The following SNTG1 variants were observed in gnomAD, a reference collection of about 807,000 sequenced individuals.
SNTG1 encodes the protein gamma-1-syntrophin.
In SNTG1, 39 loss-of-function variants were observed where a neutral mutation model predicts 74.7. The ratio of observed to expected loss-of-function variants is 0.52; its 90% CI spans 0.40 to 0.68. The LOEUF (loss-of-function observed/expected upper bound fraction) is 0.68. Ranked by LOEUF, SNTG1 falls within the 30% of genes least tolerant of loss-of-function variation. SNTG1 has a pLI of 0.00. For missense variants in SNTG1, 685 were observed against 609.5 expected, an observed-to-expected ratio of 1.12 and a Z score of -1.30; for synonymous variants, 254 against 217.1, an observed-to-expected ratio of 1.17 and a Z score of -1.49.
intron 11 of SNTG1, among the ~76,000 whole-genome samples, chr8:50,547,499 C>A (rs1166588813): frequency 1.3e-5 from 2 of 152,082 alleles, no homozygotes; most frequent in African/African-American, 2.4e-5. Flanking sequence ...TTGTATAGTT[C>A]TTTCAATCTA....
At chr8:50,386,438 G>T (rs1331544956) in intron 2 of SNTG1, among the ~76,000 whole-genome samples, 2 of 98,384 alleles carry the variant, frequency 2.0e-5, no homozygotes, top group African/African-American at 3.7e-5. Context: ...TTTGGGGGAG[G>T]CTGGGAGCAA....
chr8:50,272,041 G>T (rs142841425), intron 2 of SNTG1, among the ~76,000 whole-genome samples: 145 of 152,208 alleles, frequency 9.5e-4, no homozygotes, highest in African/African-American at 3.4e-3. Context: ...ACCAGATATC[G>T]AATCTGCCTG....
At chr8:50,721,117 A>AT (rs1338409542) in intron 17 of SNTG1, among the ~76,000 whole-genome samples, 1 of 152,128 alleles carries the variant, frequency 6.6e-6, no homozygotes, top group East Asian at 1.9e-4. Context: ...TTCACCTTCC[A>AT]TTTGTACATT....
intron 2 of SNTG1, among the ~76,000 whole-genome samples, chr8:50,252,348 A>G (rs913523841): frequency 6.6e-6 from 1 of 152,156 alleles, no homozygotes; most frequent in Non-Finnish European, 1.5e-5. Context: ...GTGGAAGGGA[A>G]CTAATAAAGC....
At chr8:50,161,336 G>A (rs938921791) in intron 1 of SNTG1, among the ~76,000 whole-genome samples, 1 of 152,208 alleles carries the variant, frequency 6.6e-6, no homozygotes, top group African/African-American at 2.4e-5. Flanking sequence ...CTTAAGGAAA[G>A]TACACAGTTG....
At chr8:50,438,453 A>G in intron 4 of SNTG1, 90 bp from the exon 5 acceptor site, 1 of 1,062,444 alleles carries the variant, frequency 9.4e-7, no homozygotes, top group South Asian at 1.4e-5. Context: ...CAAAAGCAAA[A>G]CCCAGAAGAA....
intron 2 of SNTG1, among the ~76,000 whole-genome samples, chr8:50,184,494 CT>C (rs1260374197): frequency 6.6e-6 from 1 of 152,248 alleles, no homozygotes; most frequent in African/African-American, 2.4e-5. Flanking sequence ...AAAATTCCTC[CT>C]TTAACTCCAC....
At chr8:49,987,134 A>T (rs1396198508) in intron 1 of SNTG1, among the ~76,000 whole-genome samples, 3 of 152,326 alleles carry the variant, frequency 2.0e-5, no homozygotes, top group Non-Finnish European at 4.4e-5. Flanking sequence ...CTTCCAATTA[A>T]GTTGAAGTGT....
intron 2 of SNTG1, among the ~76,000 whole-genome samples, chr8:50,296,493 C>T (rs568132740): frequency 5.0e-4 from 76 of 152,254 alleles, no homozygotes; most frequent in African/African-American, 1.7e-3. Flanking sequence ...GACCATCATT[C>T]TCAGCAAGCT....
At chr8:50,735,378 C>T (rs924739927) in intron 17 of SNTG1, among the ~76,000 whole-genome samples, 3 of 151,598 alleles carry the variant, frequency 2.0e-5, no homozygotes, top group Middle Eastern at 3.2e-3. Flanking sequence ...AACTTGAAAA[C>T]AGGTTAGAGG....
chr8:50,211,005 T>C (rs2084495946), intron 2 of SNTG1, among the ~76,000 whole-genome samples: 2 of 152,164 alleles, frequency 1.3e-5, no homozygotes, highest in African/African-American at 2.4e-5. Flanking sequence ...ATTGGTAATG[T>C]ATGATTGCTT....
At chr8:50,687,750 T>C (rs2095359049) in intron 15 of SNTG1, among the ~76,000 whole-genome samples, 1 of 152,098 alleles carries the variant, frequency 6.6e-6, no homozygotes, top group African/African-American at 2.4e-5. Context: ...GTCCATGGTG[T>C]GTGATGTTCC....
At chr8:50,508,998 G>A (rs1279446913) in intron 9 of SNTG1, among the ~76,000 whole-genome samples, 2 of 152,132 alleles carry the variant, frequency 1.3e-5, no homozygotes, top group Non-Finnish European at 2.9e-5. Context: ...CCTTGCCCAT[G>A]CCTATGTCCT....
At chr8:50,149,615 GC>G (rs1160519206) in intron 1 of SNTG1, among the ~76,000 whole-genome samples, 1 of 152,176 alleles carries the variant, frequency 6.6e-6, no homozygotes, top group East Asian at 1.9e-4. Flanking sequence ...CATATGGCTA[GC>G]CAGTTTTCCC....
intron 2 of SNTG1, among the ~76,000 whole-genome samples, chr8:50,366,603 G>A (rs12548399): frequency 0.16 from 23,406 of 149,216 alleles, 2,294 homozygotes; most frequent in Middle Eastern, 0.25. Context: ...TGATTCTTCC[G>A]TACTGGTTTT....
At chr8:49,921,515 A>C (rs1806548346) in intron 1 of SNTG1, among the ~76,000 whole-genome samples, 1 of 152,130 alleles carries the variant, frequency 6.6e-6, no homozygotes, top group Non-Finnish European at 1.5e-5. Flanking sequence ...AGGGATCAGA[A>C]GGGATTTTGT....
intron 1 of SNTG1, among the ~76,000 whole-genome samples, chr8:49,989,614 T>TA (rs1205899940): frequency 2.0e-5 from 3 of 151,924 alleles, no homozygotes; most frequent in African/African-American, 7.2e-5. Context: ...AGGCGAGTGT[T>TA]ACCCTAATGC....
In SNTG1 at chr8:50,265,502, C is replaced by G. The variant is rs192292880; in HGVS notation, c.-28+92867C>G. On this transcript the variant is annotated intron_variant, in intron 2 of 18. Coordinates refer to ENST00000642720, the MANE Select transcript of SNTG1 (RefSeq NM_018967.5). Reference sequence around the variant, plus strand: ...CTTATAAAGGGCATCTATAAAAAACCTATAGCTGGCAATATTCTTAATAAT... The same window carrying G: ...CTTATAAAGGGCATCTATAAAAAACGTATAGCTGGCAATATTCTTAATAAT... 2.0e-3 allele frequency among the ~76,000 whole-genome samples: 306 copies of G among 151,992 alleles called. 2 individuals are homozygous for G. The highest frequency in any genetic ancestry group is 6.9e-3 in the African/African-American group (287 of 41,488).
chr8:50,190,992 T>C (rs146323218), intron 2 of SNTG1, among the ~76,000 whole-genome samples: 1 of 152,300 alleles, frequency 6.6e-6, no homozygotes, highest in East Asian at 1.9e-4. Context: ...CGGGTTATAG[T>C]ATTATTTTCT....
Sources: allele counts gnomAD v4.1 joint callset (sites outside exome capture counted in the v4.1 genomes callset), GRCh38; gene constraint gnomAD v4.1.1; transcripts MANE v1.5; gene names NCBI Gene and HGNC (gene_info 2026-07-23, HGNC 2026-07-21).